The following ZNF799 variants were observed in gnomAD, a reference collection of about 807,000 sequenced individuals.
ZNF799 encodes the protein zinc finger protein 799, also known as zinc finger protein 14.
In ZNF799, 28 loss-of-function variants were observed where a neutral mutation model predicts 41.0. The ratio of observed to expected loss-of-function variants is 0.68; its 90% CI spans 0.51 to 0.94. The LOEUF is 0.94. Ranked by LOEUF, ZNF799 falls within the 40% of genes least tolerant of loss-of-function variation. The pLI, the probability that ZNF799 is intolerant of heterozygous loss-of-function variation, is 0.00. For synonymous variants in ZNF799, 213 were observed against 252.9 expected (o/e 0.84, Z 1.50); for missense variants, 716 against 764.3 (o/e 0.94, Z 0.74).
upstream of ZNF799, among the ~76,000 whole-genome samples, chr19:12,402,418 T>TC (rs1555762781): frequency 2.0e-5 from 3 of 147,486 alleles, no homozygotes; most frequent in Non-Finnish European, 3.0e-5. Flanking sequence ...CTTTATTTCT[T>TC]TTTTTTTTTT....
At chr19:12,402,066 T>G (rs151022824), upstream of ZNF799, among the ~76,000 whole-genome samples, 290 of 152,370 alleles carry the variant, frequency 1.9e-3, 2 homozygotes, top group African/African-American at 6.6e-3. Context: ...CAGCCTGTGG[T>G]AACCATCCTT....
Position 12,391,939 on chromosome 19 carries a change from G to T in ZNF799, c.459C>A (p.His153Gln). The stretch of plus-strand genomic sequence containing the variant: ...GCCTCTCATGTGTTTGAAGTGAGTT[G>T]TGGTAACTGAAGGCTTTCCCACGTT... ...HKQRGKAFSY[H>Q]NSLQTHERLH... The change falls in exon 4 of 4, where the codon CAC becomes CAA. Residue 153 changes from histidine (H) to glutamine (Q), a missense_variant. Around this residue, in one of 2 missense-constraint regions of ZNF799, gnomAD observed 698 missense variants for 713.6 expected, o/e 0.98. Transcript: ENST00000430385. 1 of 1,614,190 alleles carries T rather than the reference G, an allele frequency of 6.2e-7. No individual in the cohort carries two copies. Among genetic ancestry groups the T allele is most frequent in the Non-Finnish European group, 8.5e-7 (1 of 1,180,024 alleles).
intron 1 of ZNF799, chr19:12,400,794 C>T: frequency 1.7e-6 from 1 of 587,630 alleles, no homozygotes; most frequent in Non-Finnish European, 3.0e-6. Context: ...TTGCTTACAG[C>T]CGCACAATCT....
chr19:12,393,444 A>G (rs1969855523), intron 1 of ZNF799, 21 bp from the exon 2 acceptor site: 1 of 1,281,550 alleles, frequency 7.8e-7, no homozygotes, highest in Non-Finnish European at 1.0e-6. Context: ...CCACATGTAC[A>G]GAGGAGGAAG....
rs1416747719 is a variant in ZNF799 at position 12,395,606 on chromosome 19, C to T, written c.4-2183G>A. Among the ~76,000 whole-genome samples, 123 of 152,284 alleles carry T rather than the reference C, an allele frequency of 8.1e-4. 2 individuals are homozygous for T. Among genetic ancestry groups the T allele is most frequent in the Admixed American group, 7.9e-3 (121 of 15,290 alleles). ...CCAACTAAGTCATGGAGAAAAAGAG[C>T]TGAAGAGAAAATGTCCTCCAGATAT... On this transcript the variant is annotated intron_variant, in intron 1 of 3. Transcript: ENST00000430385.
chr19:12,414,025 T>C, the ZNF799 span, among the ~76,000 whole-genome samples: 3 of 152,290 alleles, frequency 2.0e-5, no homozygotes, highest in South Asian at 4.1e-4. Flanking sequence ...CGGGTCCCAG[T>C]GTGCCAGAGG....
intron 1 of ZNF799, among the ~76,000 whole-genome samples, chr19:12,397,580 AAG>A (rs1332744305): frequency 1.3e-5 from 2 of 151,124 alleles, no homozygotes; most frequent in Non-Finnish European, 3.0e-5. Flanking sequence ...AAAAAAAAAA[AAG>A]AAAGAAAGAA....
chr19:12,399,329 T>G (rs1324705918), intron 1 of ZNF799, among the ~76,000 whole-genome samples: 1 of 152,134 alleles, frequency 6.6e-6, no homozygotes, highest in Admixed American at 6.5e-5. Context: ...AGATATAACT[T>G]TCTACCTTTT....
At chr19:12,409,736 A>G in the ZNF799 span, among the ~76,000 whole-genome samples, 17 of 152,250 alleles carry the variant, frequency 1.1e-4, no homozygotes, top group African/African-American at 4.1e-4. Flanking sequence ...AACCAGTAAC[A>G]GAAACACAGT....
At chr19:12,411,075 T>G in the ZNF799 span, among the ~76,000 whole-genome samples, 1 of 152,184 alleles carries the variant, frequency 6.6e-6, no homozygotes, top group Non-Finnish European at 1.5e-5. Context: ...AGGCCAACAT[T>G]GCCCTTGCAC....
chr19:12,393,701 T>C (rs2910993), intron 1 of ZNF799: 840,429 of 1,122,728 alleles, frequency 0.75, 332,565 homozygotes, highest in African/African-American at 0.9. Flanking sequence ...CCCCTAATGT[T>C]GATTTCCACA....
the ZNF799 span, among the ~76,000 whole-genome samples, chr19:12,408,046 C>T: frequency 3.9e-5 from 6 of 151,990 alleles, no homozygotes; most frequent in Non-Finnish European, 5.9e-5. Flanking sequence ...GTCACAGCTA[C>T]TCGGGAGGCT....
At position 12,390,724 on chromosome 19, in the gene ZNF799, T is replaced by C; in HGVS notation, c.1674A>G (p.Lys558=). The change falls in exon 4 of 4, where the codon AAA becomes AAG. Residue 558 remains lysine, a synonymous_variant. Transcript: ENST00000430385. ...TACCACATTGTTGACACTCATAGGG[T>C]TTCTCTCTCATGTGAATTCTTTCAT... The part of the protein sequence containing the change: ...LRHERIHMRE[K]PYECQQCGKA... 1 of 1,613,702 alleles carries C rather than the reference T, an allele frequency of 6.2e-7. No individual in the cohort carries two copies.
the ZNF799 span, among the ~76,000 whole-genome samples, chr19:12,411,612 G>A: frequency 1.6e-4 from 21 of 131,742 alleles, no homozygotes; most frequent in African/African-American, 5.9e-4. Flanking sequence ...TTGGTTTTTC[G>A]TTTTTGTTTT....
upstream of ZNF799, among the ~76,000 whole-genome samples, chr19:12,401,961 G>A (rs1221068377): frequency 6.6e-6 from 1 of 152,190 alleles, no homozygotes; most frequent in Non-Finnish European, 1.5e-5. Flanking sequence ...TGTTGTGCTA[G>A]CAAATACTAG....
intron 1 of ZNF799, among the ~76,000 whole-genome samples, chr19:12,399,454 G>GAAGAA (rs1428507044): frequency 6.6e-6 from 1 of 151,918 alleles, no homozygotes; most frequent in African/African-American, 2.4e-5. Flanking sequence ...CTAGGGTTGG[G>GAAGAA]AAGAAAAGGT....
rs759026655 is a variant in ZNF799, at chr19:12,392,107, A to T, written c.291T>A (p.Leu97=). 6.6e-5 allele frequency: 106 copies of T among 1,614,046 alleles called. 2 individuals are homozygous for T. The South Asian group carries it at 1.1e-3, about 17-fold the overall frequency. Residue 97 remains leucine, a synonymous_variant, in exon 4 of 4, where the codon CTT becomes CTA. Transcript: ENST00000430385. Reference sequence around the variant, plus strand: ...GGCTTTCATATGGACCTACTCCAGGAAGAGTGTTCTTGGTCACAATACTAT... The same window carrying T: ...GGCTTTCATATGGACCTACTCCAGGTAGAGTGTTCTTGGTCACAATACTAT... ...IQDSIVTKNT[L]PGVGPYESRM... is the part of the protein sequence containing the mutation.
Position 12,391,272 on chromosome 19 carries a change from G to T in ZNF799, c.1126C>A (p.His376Asn). ...ECKQCGKALS[H>N]SSSFRRHMTM... is the part of the protein sequence containing the mutation. ...ATGTGTCTTCGAAAGCTTGAGCTAT[G>T]AGATAACGCTTTCCCACACTGCTTG... Residue 376 changes from histidine to asparagine, a missense_variant, in exon 4 of 4, where the codon CAT becomes AAT. By Grantham distance (68) the His-to-Asn change is moderately conservative. Around this residue, in one of 2 missense-constraint regions of ZNF799, gnomAD observed 698 missense variants for 713.6 expected, o/e 0.98. Coordinates refer to ENST00000430385, the MANE Select transcript of ZNF799 (RefSeq NM_001080821.3). The T allele has an allele frequency of 6.2e-7, 1 of 1,614,052 alleles. No homozygotes were observed. Among genetic ancestry groups the T allele is most frequent in the Non-Finnish European group, 8.5e-7 (1 of 1,179,964 alleles).
chr19:12,394,743 A>G, intron 1 of ZNF799: 6 of 985,182 alleles, frequency 6.1e-6, no homozygotes, highest in Non-Finnish European at 7.2e-6. Flanking sequence ...CTTACTAAGA[A>G]ACTAAAACAA....
Sources: gnomAD v4.1 joint callset for allele counts (sites outside exome capture counted in the v4.1 genomes callset) on GRCh38, gnomAD v4.1.1 for gene constraint, gnomAD v4.1.1 regional missense constraint, MANE v1.5 for transcripts, NCBI Gene and HGNC (gene_info 2026-07-23, HGNC 2026-07-21) for gene names.